Variants in LRP1B observed in about 807,000 individuals in gnomAD.
LRP1B encodes LDL receptor related protein 1B.
In LRP1B, 217 loss-of-function variants were observed where a neutral mutation model predicts 556.6. That is an observed-to-expected ratio of 0.39 (90% CI 0.35 to 0.44). The LOEUF is 0.44. LRP1B is among the 20% of genes least tolerant of loss of function. The pLI is 1.00. For synonymous variants in LRP1B, 2,047 were observed against 1,865.8 expected (o/e 1.10, Z -2.50); for missense variants, 5,053 against 5,620.8 (o/e 0.90, Z 3.23).
chr2:141,416,446 A>ATTTTTTTTTTTTTTTTTTTTTTTTTTT (rs34512949), intron 3 of LRP1B, among the ~76,000 whole-genome samples: 1 of 103,430 alleles, frequency 9.7e-6, no homozygotes, highest in Non-Finnish European at 1.9e-5. Context: ...TTTGACAGCC[A>ATTTTTTTTTTTTTTTTTTTTTTTTTTT]TTTTTTTTTT....
chr2:140,514,695 C>T lies in LRP1B; in HGVS notation c.8227G>A (p.Asp2743Asn), dbSNP rs2104931929. 1 of 1,612,674 alleles carries T rather than the reference C, an allele frequency of 6.2e-7. No individual in the cohort carries two copies. The highest frequency in any genetic ancestry group is 1.1e-5 in the South Asian group (1 of 90,984). ...TCATCTAACCCATCCCCACAGTCAT[C>T]TTCTCCATCACAAATCCAATGCTTA... The part of the protein sequence containing the change: ...ISKHWICDGE[D>N]DCGDGLDESD... Residue 2743 changes from aspartate (D) to asparagine (N), a missense_variant, in exon 51 of 91, where the codon GAT (aspartate) becomes AAT (asparagine). Transcript: ENST00000389484.
At chr2:141,713,607 T>C (rs903458542) in intron 2 of LRP1B, among the ~76,000 whole-genome samples, 4 of 152,162 alleles carry the variant, frequency 2.6e-5, no homozygotes, top group South Asian at 2.1e-4. Flanking sequence ...TTAGTTAAAA[T>C]GAATTCTTTT....
chr2:142,019,723 A>G lies in LRP1B; in HGVS notation c.82+110925T>C, dbSNP rs548548617. ...TTGTATTTGCAAAGAACGCTTTCCA[A>G]CATCTGACCCAGGATGACCATTGAC... On this transcript the variant is annotated intron_variant, in intron 1 of 90. Coordinates refer to ENST00000389484, the MANE Select transcript of LRP1B (RefSeq NM_018557.3). Among the ~76,000 whole-genome samples, 14 of 152,234 alleles carry G rather than the reference A, an allele frequency of 9.2e-5. No individual in the cohort carries two copies. In the South Asian group the frequency reaches 2.9e-3, roughly 32 times the overall value.
chr2:140,260,021 C>T (rs1051297670), intron 86 of LRP1B, among the ~76,000 whole-genome samples: 3 of 151,832 alleles, frequency 2.0e-5, no homozygotes, highest in African/African-American at 4.8e-5. Context: ...TAAATCTAAA[C>T]AAAAATAAAT....
At chr2:141,230,941 T>C (rs1191267378) in intron 5 of LRP1B, among the ~76,000 whole-genome samples, 4 of 152,172 alleles carry the variant, frequency 2.6e-5, no homozygotes, top group Non-Finnish European at 5.9e-5. Context: ...CTCTAGCATC[T>C]AGAGAAAAAG....
At chr2:140,725,784 C>A (rs1687573617) in intron 35 of LRP1B, among the ~76,000 whole-genome samples, 1 of 152,104 alleles carries the variant, frequency 6.6e-6, no homozygotes, top group African/African-American at 2.4e-5. Flanking sequence ...TGTCATGTCC[C>A]AGCCTCACAT....
chr2:140,283,857 G>T (rs1275389176), intron 84 of LRP1B, among the ~76,000 whole-genome samples: 1 of 151,680 alleles, frequency 6.6e-6, no homozygotes, highest in African/African-American at 2.4e-5. Flanking sequence ...TATTTTTAAA[G>T]TAGTCCAGCT....
At chr2:141,797,370 G>A (rs940941934) in intron 2 of LRP1B, among the ~76,000 whole-genome samples, 6 of 151,474 alleles carry the variant, frequency 4.0e-5, no homozygotes, top group Non-Finnish European at 7.4e-5. Context: ...TGTCATGAGG[G>A]AAACAGAGTA....
chr2:140,474,544 C>A (rs1687891185), intron 60 of LRP1B, among the ~76,000 whole-genome samples: 1 of 151,870 alleles, frequency 6.6e-6, no homozygotes. Flanking sequence ...AAATCTAATT[C>A]TTAAAAAGCT....
intron 3 of LRP1B, among the ~76,000 whole-genome samples, chr2:141,313,708 G>C (rs1686895370): frequency 6.6e-6 from 1 of 152,156 alleles, no homozygotes; most frequent in Non-Finnish European, 1.5e-5. Context: ...AGTGATCACT[G>C]CAAGTGGGTG....
intron 2 of LRP1B, among the ~76,000 whole-genome samples, chr2:141,696,584 C>T (rs1691739882): frequency 6.6e-6 from 1 of 151,840 alleles, no homozygotes; most frequent in East Asian, 1.9e-4. Context: ...AGATGCTTCT[C>T]CAAAATATAC....
At chr2:141,408,391 G>A (rs1410006910) in intron 3 of LRP1B, among the ~76,000 whole-genome samples, 8 of 151,848 alleles carry the variant, frequency 5.3e-5, no homozygotes, top group African/African-American at 1.7e-4. Flanking sequence ...TGATCTGACC[G>A]CCTCGGCCTC....
At chr2:141,866,671 G>A (rs1294650738) in intron 1 of LRP1B, among the ~76,000 whole-genome samples, 2 of 151,834 alleles carry the variant, frequency 1.3e-5, no homozygotes. Flanking sequence ...TCATATTTTA[G>A]AACCTAACAC....
At chr2:142,076,946 C>T (rs1214706143) in intron 1 of LRP1B, among the ~76,000 whole-genome samples, 1 of 151,934 alleles carries the variant, frequency 6.6e-6, no homozygotes, top group East Asian at 1.9e-4. Context: ...TGAACAGAAA[C>T]ACATAAGAAG....
At position 140,764,498 on chromosome 2, in the gene LRP1B, T is replaced by C. The variant is rs1033810910; in HGVS notation, c.5758+4715A>G. 1.5e-4 allele frequency among the ~76,000 whole-genome samples: 23 copies of C among 152,302 alleles called. 1 individual carries two copies. The highest frequency in any genetic ancestry group is 1.2e-3 in the Admixed American group (19 of 15,284). The stretch of plus-strand genomic sequence containing the variant: ...TGGTATCAAATACTCCTTCTAGTTC[T>C]ATGTTTCAAAGATAAATATGAATGT... On this transcript the variant is annotated intron_variant, in intron 35 of 90. Transcript: ENST00000389484.
chr2:140,989,449 A>C (rs1697022548), intron 17 of LRP1B, 83 bp downstream of exon 17: 2 of 1,490,610 alleles, frequency 1.3e-6, no homozygotes, highest in African/African-American at 2.8e-5. Flanking sequence ...AGGAAAGTTC[A>C]GCTTAGTTCA....
chr2:141,397,811 A>T (rs1013680461), intron 3 of LRP1B, among the ~76,000 whole-genome samples: 12 of 150,626 alleles, frequency 8.0e-5, no homozygotes, highest in African/African-American at 2.9e-4. Flanking sequence ...ATACAATTAT[A>T]TATACATATA....
At chr2:141,862,549 T>C (rs1260548409) in intron 1 of LRP1B, among the ~76,000 whole-genome samples, 1 of 152,074 alleles carries the variant, frequency 6.6e-6, no homozygotes, top group Non-Finnish European at 1.5e-5. Flanking sequence ...GCTGGGATTA[T>C]AGGCATGCAC....
intron 7 of LRP1B, among the ~76,000 whole-genome samples, chr2:141,096,679 A>AGAGAGG (rs1553459412): frequency 0.016 from 1,373 of 88,472 alleles, 143 homozygotes; most frequent in Middle Eastern, 0.036. Flanking sequence ...AGAGAGAGAG[A>AGAGAGG]GAGAGAGAGA....
Sources: allele counts gnomAD v4.1 joint callset (sites outside exome capture counted in the v4.1 genomes callset), GRCh38; gene constraint gnomAD v4.1.1; transcripts MANE v1.5; gene names NCBI Gene and HGNC (gene_info 2026-07-23, HGNC 2026-07-21).